APH1B: variants seen among roughly 807,000 people sequenced by gnomAD.
The protein encoded by APH1B is aph-1B gamma-secretase subunit.
APH1B carries 27 observed loss-of-function variants against 28.2 expected under a neutral mutation model. That is an observed-to-expected ratio of 0.96 (90% CI 0.70 to 1.32). The LOEUF (loss-of-function observed/expected upper bound fraction) is 1.32. Among genes scored for constraint, APH1B ranks in the 40% most tolerant of loss-of-function variants. The pLI is 0.00. For missense variants in APH1B, 305 were observed against 313.6 expected (o/e 0.97, Z 0.21); for synonymous variants, 141 against 124.6 (o/e 1.13, Z -0.88).
intron 4 of APH1B, among the ~76,000 whole-genome samples, chr15:63,290,523 C>T (rs138674674): frequency 3.0e-4 from 45 of 152,288 alleles, no homozygotes; most frequent in African/African-American, 9.9e-4. Flanking sequence ...AGTTACCATT[C>T]ATAACTTCCA....
intron 1 of APH1B, chr15:63,278,175 A>C: frequency 2.5e-6 from 1 of 394,256 alleles, no homozygotes; most frequent in East Asian, 7.1e-5. Context: ...GCTTTAAAAC[A>C]TGCCGATGCC....
At chr15:63,301,530 G>T (rs2038627036) in intron 4 of APH1B, among the ~76,000 whole-genome samples, 1 of 152,132 alleles carries the variant, frequency 6.6e-6, no homozygotes. Flanking sequence ...CAAATTCAGT[G>T]CCAGTTGCCT....
chr15:63,279,077 C>G, intron 1 of APH1B, 84 bp from the exon 2 acceptor site: 1 of 1,052,184 alleles, frequency 9.5e-7, no homozygotes, highest in Non-Finnish European at 1.3e-6. Context: ...CCTTCTCAAG[C>G]AGGTTTTTTT....
chr15:63,308,906 T>G lies in APH1B; in HGVS notation c.*3125T>G, dbSNP rs749962257. On this transcript the variant is annotated 3_prime_UTR_variant, in exon 6 of 6. Coordinates refer to ENST00000261879, the MANE Select transcript of APH1B (RefSeq NM_031301.4). ...TAGTGCATTTTGTTTATGATTGCAGTGTTTGTTTCTTATTTAATAGGCTTT... is the reference window on the plus strand; with the variant it reads ...TAGTGCATTTTGTTTATGATTGCAGGGTTTGTTTCTTATTTAATAGGCTTT... 2.6e-5 allele frequency: 4 copies of G among 152,238 alleles called. No homozygotes were observed. The highest frequency in any genetic ancestry group is 4.8e-5 in the African/African-American group (2 of 41,456). 9.4% of individuals were successfully genotyped at this position (152,238 alleles called of 1,614,324 possible).
At chr15:63,299,678 A>G (rs376823641) in intron 4 of APH1B, among the ~76,000 whole-genome samples, 1 of 152,058 alleles carries the variant, frequency 6.6e-6, no homozygotes, top group East Asian at 1.9e-4. Context: ...TGCTGGGATT[A>G]CAGGTGTGAG....
intron 1 of APH1B, chr15:63,278,008 G>T: frequency 2.0e-6 from 1 of 502,686 alleles, no homozygotes; most frequent in East Asian, 3.6e-5. Flanking sequence ...AAAAATTATG[G>T]ATAAGTTCAT....
At chr15:63,287,365 GAAATTT>G in intron 3 of APH1B, 53 bp from the exon 4 acceptor site, 2 of 1,600,450 alleles carry the variant, frequency 1.2e-6, no homozygotes, top group Non-Finnish European at 1.7e-6. Flanking sequence ...CTAGTCCTTG[GAAATTT>G]GACTTGAAAT....
chr15:63,286,497 T>G, intron 2 of APH1B, 61 bp from the exon 3 acceptor site: 1 of 1,397,020 alleles, frequency 7.2e-7, no homozygotes, highest in Non-Finnish European at 9.8e-7. Context: ...ACTTTCCTGA[T>G]ATATTGCTCT....
chr15:63,297,355 T>C lies in APH1B; in HGVS notation c.479-4990T>C, dbSNP rs528147416. ...CAGCCTGGGCAACATGACAAAACCC[T>C]GTCTCCACTTAAAACAGAAAAAAAT... On this transcript the variant is annotated intron_variant, in intron 4 of 5. Transcript: ENST00000261879. Among the ~76,000 whole-genome samples, 11 of 152,198 alleles carry C rather than the reference T, an allele frequency of 7.2e-5. No homozygotes were observed. In the East Asian group the frequency reaches 1.7e-3, roughly 24 times the overall value.
At chr15:63,302,270 G>A in intron 4 of APH1B, 75 bp from the exon 5 acceptor site, 1 of 1,537,842 alleles carries the variant, frequency 6.5e-7, no homozygotes, top group Non-Finnish European at 8.8e-7. Flanking sequence ...CACCCCGAGA[G>A]CCCGTGCACA....
intron 5 of APH1B, 27 bp from the exon 6 acceptor site, chr15:63,305,587 C>T: frequency 6.2e-7 from 1 of 1,610,102 alleles, no homozygotes; most frequent in Non-Finnish European, 8.5e-7. Flanking sequence ...CTGTTATTAC[C>T]CAAGCTGATT....
At position 63,287,396 on chromosome 15, in the gene APH1B, AGTTAACAGT is replaced by A. The variant is rs1328437294; in HGVS notation, c.356-24_356-16del. ...TGACTTGAAATCTTGGCAGGAAAAG[AGTTAACAGT>A]GTTTTTCTTCCTGTTTAGTTTCTGG... On this transcript the variant is annotated intron_variant, in intron 3 of 5. Coordinates refer to ENST00000261879, the MANE Select transcript of APH1B (RefSeq NM_031301.4). 2 of 1,611,330 alleles carry A rather than the reference AGTTAACAGT, an allele frequency of 1.2e-6. No homozygotes were observed. The highest frequency in any genetic ancestry group is 2.7e-5 in the African/African-American group (2 of 74,774).
Position 63,305,972 on chromosome 15 carries a change from G to C in APH1B, c.*191G>C. 1.5e-6 allele frequency: 1 copy of C among 686,766 alleles called. No individual in the cohort carries two copies. The highest frequency in any genetic ancestry group is 2.0e-5 in the South Asian group (1 of 50,938). The allele number at this position is 686,766 out of a possible 1,614,324, so 42.5% of individuals were successfully genotyped here. ...GTGCTCAGTGGTGTGCGTCCTGGCT[G>C]CACGAGAATCACCTGGGACAGTGTA... On this transcript the variant is annotated 3_prime_UTR_variant, in exon 6 of 6. Coordinates refer to ENST00000261879, the MANE Select transcript of APH1B (RefSeq NM_031301.4).
chr15:63,305,831 G>A lies in APH1B; in HGVS notation c.*50G>A. On this transcript the variant is annotated 3_prime_UTR_variant, in exon 6 of 6. Transcript: ENST00000261879. ...ACCGCAGACTACATCTTTAGAGGAA[G>A]CACAACTGTGCCTTTTTCTGAAAAT... 1 of 1,560,626 alleles carries A rather than the reference G, an allele frequency of 6.4e-7. No individual in the cohort carries two copies. Among genetic ancestry groups the A allele is most frequent in the Non-Finnish European group, 8.6e-7 (1 of 1,157,694 alleles).
At chr15:63,286,522 T>C (rs199889432) in intron 2 of APH1B, 36 bp from the exon 3 acceptor site, 3 of 1,514,840 alleles carry the variant, frequency 2.0e-6, no homozygotes, top group South Asian at 1.3e-5. Flanking sequence ...TTTTTTTTTT[T>C]TTTTCTTCTT....
chr15:63,304,267 G>A lies in APH1B; in HGVS notation c.607-1347G>A, dbSNP rs747666277. Among the ~76,000 whole-genome samples, 1 of 152,128 alleles carries A rather than the reference G, an allele frequency of 6.6e-6. No homozygotes were observed. ...TCATGGTCACCCTCAGTGGGGGCAG[G>A]GACTGGTGGAACAGGGAGGCTCCTG... On this transcript the variant is annotated intron_variant, in intron 5 of 5. Coordinates refer to ENST00000261879, the MANE Select transcript of APH1B (RefSeq NM_031301.4). The surrounding 1 kb of genome is among the most constrained non-coding windows in gnomAD (Gnocchi z 5.1).
At chr15:63,300,724 T>G (rs1318394836) in intron 4 of APH1B, among the ~76,000 whole-genome samples, 2 of 152,214 alleles carry the variant, frequency 1.3e-5, no homozygotes, top group African/African-American at 4.8e-5. Flanking sequence ...TAATTACACG[T>G]TTACACCAGA....
At chr15:63,278,892 C>A (rs1216681874) in intron 1 of APH1B, among the ~76,000 whole-genome samples, 1 of 152,318 alleles carries the variant, frequency 6.6e-6, no homozygotes, top group Admixed American at 6.5e-5. Context: ...CAGATAGAGT[C>A]TGCAGATGTA....
chr15:63,284,447 C>G (rs964470431), intron 2 of APH1B, among the ~76,000 whole-genome samples: 2 of 152,184 alleles, frequency 1.3e-5, no homozygotes, highest in Non-Finnish European at 2.9e-5. Context: ...CTCCTGCGCT[C>G]AAGTGACTTG....
Sources: gnomAD v4.1 joint callset for allele counts (sites outside exome capture counted in the v4.1 genomes callset) on GRCh38, gnomAD v4.1.1 for gene constraint, Gnocchi (gnomAD v3.1) non-coding constraint, MANE v1.5 for transcripts, NCBI Gene and HGNC (gene_info 2026-07-23, HGNC 2026-07-21) for gene names.